PDE1C: variants seen among roughly 807,000 people sequenced by gnomAD.
The protein encoded by PDE1C is phosphodiesterase 1C, also known as dual specificity calcium/calmodulin-dependent 3',5'-cyclic nucleotide phosphodiesterase 1C.
PDE1C carries 62 observed loss-of-function variants against 93.1 expected under a neutral mutation model. That is an observed-to-expected ratio of 0.67 (90% CI 0.54 to 0.82). The LOEUF (loss-of-function observed/expected upper bound fraction) is 0.82, where lower values mean the gene tolerates loss of function less well. PDE1C is among the 40% of genes least tolerant of loss of function. PDE1C has a pLI of 0.00. For synonymous variants in PDE1C, 325 were observed against 310.1 expected (o/e 1.05, Z -0.50); for missense variants, 742 against 884.6 (o/e 0.84, Z 2.04).
chr7:32,167,182 C>G (rs1562540567), intron 3 of PDE1C, among the ~76,000 whole-genome samples: 1 of 152,132 alleles, frequency 6.6e-6, no homozygotes, highest in African/African-American at 2.4e-5. Context: ...AGCTTTAGAG[C>G]AGACTGTCCC....
chr7:32,042,603 G>A lies in PDE1C; in HGVS notation c.128+8951C>T, dbSNP rs145604306. Reference sequence around the variant, plus strand: ...TACCTATGTGCTTGCCAAAGTTTGTGCTTTAGCAATACTTTTAATGTCCCA... The same window carrying A: ...TACCTATGTGCTTGCCAAAGTTTGTACTTTAGCAATACTTTTAATGTCCCA... On this transcript the variant is annotated intron_variant, in intron 2 of 17. Coordinates refer to ENST00000396191, the MANE Select transcript of PDE1C (RefSeq NM_001191057.4). Among the ~76,000 whole-genome samples, 242 of 152,308 alleles carry A rather than the reference G, an allele frequency of 1.6e-3. 1 individual carries two copies. The highest frequency in any genetic ancestry group is 5.6e-3 in the African/African-American group (234 of 41,568).
intron 2 of PDE1C, among the ~76,000 whole-genome samples, chr7:32,042,745 C>T (rs1791998270): frequency 6.6e-6 from 1 of 152,174 alleles, no homozygotes; most frequent in Non-Finnish European, 1.5e-5. Context: ...CCAGTGATCT[C>T]TGTGCTAACT....
intron 2 of PDE1C, 37 bp from the exon 3 acceptor site, chr7:31,880,897 A>G (rs1391026703): frequency 4.9e-6 from 6 of 1,233,992 alleles, no homozygotes; most frequent in Non-Finnish European, 6.0e-6. Flanking sequence ...ATTAGAATAG[A>G]GGAAACAAAG....
chr7:32,203,142 C>T (rs1362203376), intron 2 of PDE1C, among the ~76,000 whole-genome samples: 2 of 151,984 alleles, frequency 1.3e-5, no homozygotes, highest in East Asian at 1.9e-4. Context: ...GTAGTACATG[C>T]CCCCGAGAAC....
intron 1 of PDE1C, among the ~76,000 whole-genome samples, chr7:32,268,278 T>G (rs1810746396): frequency 6.6e-6 from 1 of 152,218 alleles, no homozygotes; most frequent in Admixed American, 6.5e-5. Flanking sequence ...GGGGCAGGAC[T>G]TGGAGTCAGA....
intron 3 of PDE1C, among the ~76,000 whole-genome samples, chr7:32,167,072 G>A (rs962951183): frequency 2.6e-5 from 4 of 152,104 alleles, no homozygotes; most frequent in Non-Finnish European, 2.9e-5. Flanking sequence ...GGAGCCTGGT[G>A]GAGACTGAAA....
chr7:31,965,809 T>C (rs892324435), intron 2 of PDE1C, among the ~76,000 whole-genome samples: 1 of 152,186 alleles, frequency 6.6e-6, no homozygotes, highest in African/African-American at 2.4e-5. Context: ...ATATGCAACA[T>C]TCTTAAAGAA....
the PDE1C span, among the ~76,000 whole-genome samples, chr7:31,689,189 TGTGA>T: frequency 1.7e-4 from 26 of 152,270 alleles, 1 homozygote; most frequent in Admixed American, 1.4e-3. Context: ...CACGTCCCTG[TGTGA>T]GTGTTAGAAT....
chr7:32,391,812 T>A (rs1304076550), intron 1 of PDE1C, among the ~76,000 whole-genome samples: 2 of 151,892 alleles, frequency 1.3e-5, no homozygotes, highest in South Asian at 2.1e-4. Context: ...GCATACTATA[T>A]CAAAATTTGG....
At chr7:31,914,647 A>G (rs1191257455) in intron 2 of PDE1C, among the ~76,000 whole-genome samples, 1 of 152,216 alleles carries the variant, frequency 6.6e-6, no homozygotes, top group Non-Finnish European at 1.5e-5. Context: ...AAGGTTGAAC[A>G]TTAAGCTACC....
Position 32,011,055 on chromosome 7 carries a change from T to C in PDE1C, c.128+40499A>G, listed in dbSNP as rs181044462. Among the ~76,000 whole-genome samples the C allele has an allele frequency of 1.6e-3, 239 of 152,234 alleles. 2 individuals are homozygous for C. Among genetic ancestry groups the C allele is most frequent in the Admixed American group, 2.5e-3 (38 of 15,280 alleles). ...CTGGACTTTATTAAAATTAAGAATG[T>C]TATACTCTTCAAAAGACAGGGTTAA... On this transcript the variant is annotated intron_variant, in intron 2 of 17. Transcript: ENST00000396191.
chr7:32,000,285 C>T (rs991366334), intron 2 of PDE1C, among the ~76,000 whole-genome samples: 2 of 152,094 alleles, frequency 1.3e-5, no homozygotes, highest in African/African-American at 2.4e-5. Context: ...ATTCATGCAA[C>T]GAGCTCAGAA....
chr7:32,123,741 C>A (rs1215080679), intron 3 of PDE1C, among the ~76,000 whole-genome samples: 1 of 152,154 alleles, frequency 6.6e-6, no homozygotes, highest in African/African-American at 2.4e-5. Flanking sequence ...AAACCCACAG[C>A]CAATATCATA....
the PDE1C span, among the ~76,000 whole-genome samples, chr7:31,631,463 T>C: frequency 6.6e-6 from 1 of 152,218 alleles, no homozygotes; most frequent in Non-Finnish European, 1.5e-5. Context: ...TCTTACGTGG[T>C]TAGGTTATAA....
intron 1 of PDE1C, among the ~76,000 whole-genome samples, chr7:32,337,208 C>G (rs1212523939): frequency 6.6e-6 from 1 of 152,134 alleles, no homozygotes; most frequent in Non-Finnish European, 1.5e-5. Flanking sequence ...TGAGCCCTTA[C>G]TAGGTGCCCT....
chr7:31,924,760 G>T (rs569426080), intron 2 of PDE1C, among the ~76,000 whole-genome samples: 21 of 152,098 alleles, frequency 1.4e-4, no homozygotes, highest in Non-Finnish European at 2.4e-4. Flanking sequence ...CAACTGGAGA[G>T]TCCAAAGCAT....
downstream of PDE1C, among the ~76,000 whole-genome samples, chr7:31,748,895 AAG>A (rs1325637726): frequency 6.6e-6 from 1 of 152,248 alleles, no homozygotes. Flanking sequence ...AAATGGATCA[AAG>A]AGAATATAAT....
At chr7:32,084,531 C>A (rs1270601190) in intron 3 of PDE1C, among the ~76,000 whole-genome samples, 2 of 150,566 alleles carry the variant, frequency 1.3e-5, no homozygotes, top group Admixed American at 1.3e-4. Context: ...CTCTCCACCC[C>A]AAATCAACAG....
At chr7:31,873,945 C>T (rs1796237401) in intron 5 of PDE1C, among the ~76,000 whole-genome samples, 1 of 152,164 alleles carries the variant, frequency 6.6e-6, no homozygotes, top group African/African-American at 2.4e-5. Flanking sequence ...CCAATGACTT[C>T]CTCTAAGTTT....
Sources: allele counts gnomAD v4.1 joint callset (sites outside exome capture counted in the v4.1 genomes callset), GRCh38; gene constraint gnomAD v4.1.1; transcripts MANE v1.5; gene names NCBI Gene and HGNC (gene_info 2026-07-23, HGNC 2026-07-21).